Variants in FBXL7 observed in about 807,000 individuals in gnomAD.
FBXL7 encodes the protein F-box/LRR-repeat protein 7.
Under a neutral mutation model 38.3 loss-of-function variants are expected in FBXL7, and 12 were observed. The ratio of observed to expected loss-of-function variants is 0.31; its 90% CI spans 0.20 to 0.51. The LOEUF (loss-of-function observed/expected upper bound fraction) is 0.51. Among genes scored for constraint, FBXL7 ranks in the 20% least tolerant of loss-of-function variants. The probability of loss-of-function intolerance (pLI) is 0.98; values close to 1 mark genes in which losing one functional copy is unlikely to be tolerated. For missense variants in FBXL7, 567 were observed against 676.4 expected (o/e 0.84, Z 1.79); for synonymous variants, 297 against 300.9 (o/e 0.99, Z 0.13).
At chr5:15,734,446 C>G (rs1270930282) in intron 2 of FBXL7, among the ~76,000 whole-genome samples, 1 of 152,200 alleles carries the variant, frequency 6.6e-6, no homozygotes, top group Non-Finnish European at 1.5e-5. Flanking sequence ...GTGCCCTCTT[C>G]TGAACAATGT....
chr5:15,785,210 G>C (rs148825349), intron 2 of FBXL7, among the ~76,000 whole-genome samples: 38 of 152,282 alleles, frequency 2.5e-4, no homozygotes, highest in African/African-American at 8.4e-4. Context: ...GCTCTGCATC[G>C]CTCTGACCAA....
At chr5:15,843,796 C>A (rs1275638324) in intron 2 of FBXL7, among the ~76,000 whole-genome samples, 1 of 151,802 alleles carries the variant, frequency 6.6e-6, no homozygotes, top group Non-Finnish European at 1.5e-5. Context: ...AGAATCTACA[C>A]ACAGGAGCAG....
chr5:15,662,518 C>G (rs1179633414), intron 2 of FBXL7, among the ~76,000 whole-genome samples: 1 of 152,120 alleles, frequency 6.6e-6, no homozygotes, highest in South Asian at 2.1e-4. Flanking sequence ...TTAGATTCCA[C>G]TTTTCAATTT....
intron 1 of FBXL7, among the ~76,000 whole-genome samples, chr5:15,519,439 G>GCCC (rs1737035532): frequency 7.0e-6 from 1 of 142,928 alleles, no homozygotes; most frequent in African/African-American, 2.6e-5. Flanking sequence ...CAGAGACTTA[G>GCCC]AAAACAAAAA....
chr5:15,567,494 T>C (rs1738620601), intron 1 of FBXL7, among the ~76,000 whole-genome samples: 1 of 152,142 alleles, frequency 6.6e-6, no homozygotes, highest in Admixed American at 6.6e-5. Context: ...AGTGGGTGTC[T>C]GCTTGCACAT....
Position 15,784,976 on chromosome 5 carries a change from T to G in FBXL7, c.128-142914T>G, listed in dbSNP as rs543481213. 5.3e-5 allele frequency among the ~76,000 whole-genome samples: 8 copies of G among 152,296 alleles called. No individual in the cohort carries two copies. In the South Asian group the frequency reaches 1.7e-3, roughly 32 times the overall value. On this transcript the variant is annotated intron_variant, in intron 2 of 3. Transcript: ENST00000504595. ...TCACTGCCATCATTTTTAAAGGTAT[T>G]CCTTTTCTTTTGTGTCTCCATTCAT...
chr5:15,929,400 C>A (rs1741979108), intron 3 of FBXL7, among the ~76,000 whole-genome samples: 1 of 152,190 alleles, frequency 6.6e-6, no homozygotes, highest in South Asian at 2.1e-4. Context: ...ATGAGGATTA[C>A]TTGAAGCTAG....
At chr5:15,592,362 G>C (rs1476601669) in intron 1 of FBXL7, among the ~76,000 whole-genome samples, 3 of 152,100 alleles carry the variant, frequency 2.0e-5, no homozygotes, top group Non-Finnish European at 4.4e-5. Context: ...CAGTTGCCCA[G>C]GGATCATGGG....
intron 2 of FBXL7, among the ~76,000 whole-genome samples, chr5:15,912,810 C>T (rs1018978559): frequency 6.6e-6 from 1 of 152,054 alleles, no homozygotes; most frequent in African/African-American, 2.4e-5. Context: ...GGTCCATTCA[C>T]TGGAAAAGCC....
intron 1 of FBXL7, among the ~76,000 whole-genome samples, chr5:15,530,175 C>T (rs1737378654): frequency 1.3e-5 from 2 of 152,254 alleles, no homozygotes. Context: ...CAATTCCTTA[C>T]CTCCTTACTT....
At chr5:15,793,131 G>A (rs1188519105) in intron 2 of FBXL7, among the ~76,000 whole-genome samples, 4 of 152,178 alleles carry the variant, frequency 2.6e-5, no homozygotes, top group Admixed American at 6.5e-5. Context: ...GGTGCAGTGC[G>A]GTGCCACCAT....
chr5:15,603,199 T>C lies in FBXL7; in HGVS notation c.38-12784T>C, dbSNP rs144362622. ...TGTGCTTTATCTCCCTAGCCTAATA[T>C]GAACTGTGTCTTGTTTTTTTTAGTG... is the stretch of plus-strand genomic sequence containing the variant. On this transcript the variant is annotated intron_variant, in intron 1 of 3. Transcript: ENST00000504595. Among the ~76,000 whole-genome samples the C allele has an allele frequency of 4.9e-3, 744 of 152,322 alleles. 5 individuals are homozygous for C. The highest frequency in any genetic ancestry group is 0.017 in the African/African-American group (723 of 41,574).
chr5:15,928,035 G>GC lies in FBXL7; in HGVS notation c.278dup (p.Thr94AspfsTer139). 6.8e-7 allele frequency: 1 copy of GC among 1,465,576 alleles called. No individual in the cohort carries two copies. The highest frequency in any genetic ancestry group is 1.5e-5 in the South Asian group (1 of 66,054). The allele number at this position is 1,465,576 out of a possible 1,614,324, so 90.8% of individuals were successfully genotyped here. A position where few individuals can be genotyped will look rare whatever the true frequency, so the allele number is the denominator to read the frequency against. On this transcript the variant is annotated frameshift_variant, in exon 3 of 4. Transcript: ENST00000504595. LOFTEE classifies it high-confidence loss of function. The surrounding 1 kb of genome is among the most constrained non-coding windows in gnomAD (Gnocchi z 4.0). ...AGACGGTGGCCATGGTGCACTCCCC[G>GC]CCCCCGACCCGCCTCACACACCCGC...
At chr5:15,554,171 A>C (rs1368365342) in intron 1 of FBXL7, among the ~76,000 whole-genome samples, 1 of 152,112 alleles carries the variant, frequency 6.6e-6, no homozygotes, top group Non-Finnish European at 1.5e-5. Flanking sequence ...TCCCATCTTG[A>C]GAATGGATTT....
At chr5:15,841,672 G>T (rs1738749698) in intron 2 of FBXL7, among the ~76,000 whole-genome samples, 1 of 152,078 alleles carries the variant, frequency 6.6e-6, no homozygotes, top group African/African-American at 2.4e-5. Context: ...TGGTTTCCTG[G>T]GCCAGGTCCA....
Position 15,500,439 on chromosome 5 carries a change from T to G in FBXL7, c.-238T>G. ...TGCGCCCGCCGGCCCCCAGCGCGGA[T>G]TGTAAGTGCTGCAGCTGTGCCCGGC... On this transcript the variant is annotated 5_prime_UTR_variant, in exon 1 of 4. Coordinates refer to ENST00000504595, the MANE Select transcript of FBXL7 (RefSeq NM_012304.5). The G allele has an allele frequency of 8.4e-5, 41 of 490,290 alleles. No homozygotes were observed. The highest frequency in any genetic ancestry group is 2.1e-4 in the East Asian group (5 of 24,368). The allele number at this position is 490,290 out of a possible 1,614,324, so 30.4% of individuals were successfully genotyped here.
chr5:15,733,723 C>G (rs142354213), intron 2 of FBXL7, among the ~76,000 whole-genome samples: 102 of 152,272 alleles, frequency 6.7e-4, no homozygotes, highest in African/African-American at 2.3e-3. Flanking sequence ...ATTTACTAAA[C>G]TAAAAGAAAC....
chr5:15,547,663 C>G (rs1392350205), intron 1 of FBXL7, among the ~76,000 whole-genome samples: 2 of 152,124 alleles, frequency 1.3e-5, no homozygotes, highest in African/African-American at 4.8e-5. Flanking sequence ...AGCAGCCTGC[C>G]CTTGATTTTA....
At chr5:15,754,117 G>A (rs1264921825) in intron 2 of FBXL7, among the ~76,000 whole-genome samples, 1 of 152,180 alleles carries the variant, frequency 6.6e-6, no homozygotes, top group Non-Finnish European at 1.5e-5. Context: ...TGTCTAACAT[G>A]GTCCCAGGTG....
Sources: allele counts gnomAD v4.1 joint callset (sites outside exome capture counted in the v4.1 genomes callset), GRCh38; gene constraint gnomAD v4.1.1; non-coding constraint Gnocchi (gnomAD v3.1); transcripts MANE v1.5; gene names NCBI Gene and HGNC (gene_info 2026-07-23, HGNC 2026-07-21).